GPR153: variants seen among roughly 807,000 people sequenced by gnomAD.
GPR153 encodes the protein G protein-coupled receptor 153.
Under a neutral mutation model 34.1 loss-of-function variants are expected in GPR153, and 27 were observed. The observed-to-expected ratio is 0.79, with a 90% CI of 0.58 to 1.09. The LOEUF (loss-of-function observed/expected upper bound fraction) is 1.09, where lower values mean the gene tolerates loss of function less well. GPR153 is among the 50% of genes least tolerant of loss of function. The pLI, the probability that GPR153 is intolerant of heterozygous loss-of-function variation, is 0.00. For synonymous variants in GPR153, 408 were observed against 405.4 expected, an observed-to-expected ratio of 1.01 and a Z score of -0.08; for missense variants, 848 against 860.2, an observed-to-expected ratio of 0.99 and a Z score of 0.18.
At position 6,249,773 on chromosome 1, in the gene GPR153, G is replaced by A; in HGVS notation, c.1395C>T (p.Pro465=). ...CCCGCGGGCCGCTATCCAGGGCCGA[G>A]GGCCGCAGCGACAGCAGGCTCTCGG... ...RSAESLLSLR[P]SALDSGPRGA... is the part of the protein sequence containing the mutation. The change falls in exon 6 of 6, where the codon CCC becomes CCT. Residue 465 remains proline (P), a synonymous_variant. Coordinates refer to ENST00000377893, the MANE Select transcript of GPR153 (RefSeq NM_207370.4). The surrounding 1 kb of genome is among the most constrained non-coding windows in gnomAD (Gnocchi z 4.3). 1 of 1,150,326 alleles carries A rather than the reference G, an allele frequency of 8.7e-7. No individual in the cohort carries two copies. The allele number at this position is 1,150,326 out of a possible 1,614,324, so 71.3% of individuals were successfully genotyped here. A position where few individuals can be genotyped will look rare whatever the true frequency, so the allele number is the denominator to read the frequency against.
At position 6,251,208 on chromosome 1, in the gene GPR153, C is replaced by G. The variant is rs1326931384; in HGVS notation, c.979+130G>C. On this transcript the variant is annotated intron_variant, in intron 4 of 5. Coordinates refer to ENST00000377893, the MANE Select transcript of GPR153 (RefSeq NM_207370.4). This position sits in a 1 kb window ranked among gnomAD's most constrained non-coding sequence, Gnocchi z 4.9. ...GACATTCAAGTACATTTGGGGGTGA[C>G]ACGGGGTGTCTGGTGGTTGAGAATG... is the stretch of plus-strand genomic sequence containing the variant. 13 of 738,412 alleles carry G rather than the reference C, an allele frequency of 1.8e-5. No individual in the cohort carries two copies. In the Admixed American group the frequency reaches 3.0e-4, roughly 17 times the overall value. 45.7% of individuals were successfully genotyped at this position (738,412 alleles called of 1,614,324 possible).
At chr1:6,257,356 C>T (rs1638588732) in intron 1 of GPR153, among the ~76,000 whole-genome samples, 1 of 152,240 alleles carries the variant, frequency 6.6e-6, no homozygotes, top group Admixed American at 6.5e-5. Context: ...GAGATGGTCA[C>T]CACCTTCCTG....
Position 6,254,939 on chromosome 1 carries a change from T to C in GPR153, c.-34A>G, listed in dbSNP as rs759429320. On this transcript the variant is annotated 5_prime_UTR_variant, in exon 2 of 6. An upstream start codon of the reference 5' UTR is lost. Coordinates refer to ENST00000377893, the MANE Select transcript of GPR153 (RefSeq NM_207370.4). ...CCGGAGCTGGCAGGCGGCTGTGGCATCCTCCTTGGAGCCAGGTCTCAGGGA... is the reference window on the plus strand; with the variant it reads ...CCGGAGCTGGCAGGCGGCTGTGGCACCCTCCTTGGAGCCAGGTCTCAGGGA... 12 of 1,479,420 alleles carry C rather than the reference T, an allele frequency of 8.1e-6. No individual in the cohort carries two copies. The African/African-American group carries it at 1.7e-4, about 21-fold the overall frequency. The allele number at this position is 1,479,420 out of a possible 1,614,324, so 91.6% of individuals were successfully genotyped here. A position where few individuals can be genotyped will look rare whatever the true frequency, so the allele number is the denominator to read the frequency against.
Position 6,254,778 on chromosome 1 carries a change from T to TC in GPR153, c.127dup (p.Glu43GlyfsTer38). The TC allele has an allele frequency of 6.2e-7, 1 of 1,613,618 alleles. No individual in the cohort carries two copies. The highest frequency in any genetic ancestry group is 8.5e-7 in the Non-Finnish European group (1 of 1,179,934). On this transcript the variant is annotated frameshift_variant, in exon 2 of 6. Transcript: ENST00000377893. LOFTEE classifies it high-confidence loss of function. ...GGCCGCGAGTGTACACAGCAGGAAC[T>TC]CCAAGGGCTTCCACTTCTTCTGCTT...
intron 1 of GPR153, among the ~76,000 whole-genome samples, chr1:6,260,223 C>T (rs1237034914): frequency 1.3e-5 from 2 of 152,160 alleles, no homozygotes; most frequent in South Asian, 2.1e-4. Context: ...GCTTCCGCCC[C>T]CACGCCGGTC....
chr1:6,258,765 C>T (rs1303614719), intron 1 of GPR153, among the ~76,000 whole-genome samples: 1 of 152,220 alleles, frequency 6.6e-6, no homozygotes, highest in Non-Finnish European at 1.5e-5. Flanking sequence ...GAGGCCTTCC[C>T]TCAGATGCCC....
In GPR153 at chr1:6,250,592, G is replaced by A. The variant is rs200411382; in HGVS notation, c.1012C>T (p.Leu338=). ...TAGTCCAGGGAGCGCTCCAACACCA[G>A]GTCCGGGGAGATGCCACCTTCCAGG... is the stretch of plus-strand genomic sequence containing the variant. ...TSLEGGISPD[L]VLERSLDYGY... The change falls in exon 5 of 6, where the codon CTG becomes TTG. Residue 338 remains leucine (L), a synonymous_variant. Coordinates refer to ENST00000377893, the MANE Select transcript of GPR153 (RefSeq NM_207370.4). 1.0e-5 allele frequency: 15 copies of A among 1,475,508 alleles called. No individual in the cohort carries two copies. The East Asian group carries it at 3.5e-4, about 34-fold the overall frequency. The allele number at this position is 1,475,508 out of a possible 1,614,324, so 91.4% of individuals were successfully genotyped here. A position where few individuals can be genotyped will look rare whatever the true frequency, so the allele number is the denominator to read the frequency against.
chr1:6,257,859 TG>T (rs1638597296), intron 1 of GPR153, among the ~76,000 whole-genome samples: 1 of 152,230 alleles, frequency 6.6e-6, no homozygotes, highest in Non-Finnish European at 1.5e-5. Context: ...GCAGGCAGTG[TG>T]GGAGAAGCCC....
rs916341494 is a variant in GPR153, at chr1:6,249,874, C to A, written c.1294G>T (p.Gly432Trp). ...AGGCTGGCGCGGCGCCGCTCGGGCC[C>A]GGCAGGCAGCACCAGGTGCGCCAGG... ...AALAHLVLPA[G>W]PERRRASLLA... Residue 432 changes from glycine to tryptophan, a missense_variant, in exon 6 of 6, where the codon GGG (glycine) becomes TGG (tryptophan). Coordinates refer to ENST00000377893, the MANE Select transcript of GPR153 (RefSeq NM_207370.4). This position sits in a 1 kb window ranked among gnomAD's most constrained non-coding sequence, Gnocchi z 4.3. 1.6e-6 allele frequency: 2 copies of A among 1,285,298 alleles called. No homozygotes were observed. The highest frequency in any genetic ancestry group is 1.6e-5 in the African/African-American group (1 of 64,236). The allele number at this position is 1,285,298 out of a possible 1,614,324, so 79.6% of individuals were successfully genotyped here.
At position 6,250,474 on chromosome 1, in the gene GPR153, C is replaced by T; in HGVS notation, c.1130G>A (p.Arg377Gln). ...TTGCATCTTGTCCTCCTGCAAGGGCCGCAGTGGGTAGAGCTGGGGCAGGCC... is the reference window on the plus strand; with the variant it reads ...TTGCATCTTGTCCTCCTGCAAGGGCTGCAGTGGGTAGAGCTGGGGCAGGCC... The part of the protein sequence containing the change: ...EGGLPQLYPL[R>Q]PLQEDKMQYL... The change falls in exon 5 of 6, where the codon CGG becomes CAG. Residue 377 changes from arginine to glutamine, a missense_variant. Coordinates refer to ENST00000377893, the MANE Select transcript of GPR153 (RefSeq NM_207370.4). The T allele has an allele frequency of 1.2e-6, 2 of 1,609,042 alleles. No individual in the cohort carries two copies. The highest frequency in any genetic ancestry group is 1.7e-6 in the Non-Finnish European group (2 of 1,178,192).
chr1:6,251,465 C>T lies in GPR153; in HGVS notation c.852G>A (p.Trp284Ter). The change falls in exon 4 of 6, where the codon TGG becomes TGA. Residue 284 changes from tryptophan (W) to a stop codon, truncating the protein, a stop_gained. Coordinates refer to ENST00000377893, the MANE Select transcript of GPR153 (RefSeq NM_207370.4). LOFTEE classifies it high-confidence loss of function. This position sits in a 1 kb window ranked among gnomAD's most constrained non-coding sequence, Gnocchi z 4.9. ...SAPWMALCVL[W>*]CSVAQALLLP... The stretch of plus-strand genomic sequence containing the variant: ...GCAGCAGGGCCTGGGCCACGGAGCA[C>T]CACAGCACGCAGAGTGCCATCCAGG... 4.3e-6 allele frequency: 7 copies of T among 1,613,136 alleles called. No homozygotes were observed. Among genetic ancestry groups the T allele is most frequent in the Non-Finnish European group, 5.9e-6 (7 of 1,179,934 alleles).
rs771688682 is a variant in GPR153 at position 6,253,819 on chromosome 1, A to G, written c.685T>C (p.Ser229Pro). Residue 229 changes from serine (S) to proline (P), a missense_variant, in exon 3 of 6, where the codon TCC (serine) becomes CCC (proline). Ser to Pro is a moderately conservative substitution (Grantham distance 74). Coordinates refer to ENST00000377893, the MANE Select transcript of GPR153 (RefSeq NM_207370.4). Reference sequence around the variant, plus strand: ...TTGGCGGGCTCCGAGCCATCGATGGAGGAGCGCCGCTTGCCCTGCGCGTCC... The same window carrying G: ...TTGGCGGGCTCCGAGCCATCGATGGGGGAGCGCCGCTTGCCCTGCGCGTCC... ...VEDAQGKRRSSIDGSEPAKTS... is the reference protein window; with the variant it reads ...VEDAQGKRRSPIDGSEPAKTS... 1.9e-5 allele frequency: 30 copies of G among 1,590,028 alleles called. No individual in the cohort carries two copies. In the South Asian group the frequency reaches 3.3e-4, roughly 17 times the overall value.
At position 6,250,537 on chromosome 1, in the gene GPR153, T is replaced by C. The variant is rs751840814; in HGVS notation, c.1067A>G (p.Asp356Gly). ...YGYGGDFVAL[D>G]RMAKYEISAL... The stretch of plus-strand genomic sequence containing the variant: ...GGAGATCTCATACTTGGCCATCCTA[T>C]CTAGGGCCACAAAATCACCTCCATA... Residue 356 changes from aspartate (D) to glycine (G), a missense_variant, in exon 5 of 6, where the codon GAT (aspartate) becomes GGT (glycine). Coordinates refer to ENST00000377893, the MANE Select transcript of GPR153 (RefSeq NM_207370.4). The C allele has an allele frequency of 5.6e-6, 9 of 1,604,774 alleles. No individual in the cohort carries two copies. Among genetic ancestry groups the C allele is most frequent in the Non-Finnish European group, 2.6e-6 (3 of 1,176,106 alleles).
In GPR153 at chr1:6,253,913, C is replaced by T. The variant is rs1218269797; in HGVS notation, c.591G>A (p.Gln197=). The part of the protein sequence containing the change: ...GVICTAIALF[Q]TLAVQVGRQA... ...GGCGCCCCACCTGCACGGCCAGCGT[C>T]TGGAAGAGGGCGATGGCTGTGCAGA... Residue 197 remains glutamine, a synonymous_variant, in exon 3 of 6, where the codon CAG becomes CAA. Coordinates refer to ENST00000377893, the MANE Select transcript of GPR153 (RefSeq NM_207370.4). The T allele has an allele frequency of 6.2e-7, 1 of 1,610,380 alleles. No homozygotes were observed.
In GPR153 at chr1:6,251,578, A is replaced by T. The variant is rs1638451076; in HGVS notation, c.787-48T>A. The T allele has an allele frequency of 6.7e-7, 1 of 1,503,502 alleles. No homozygotes were observed. Among genetic ancestry groups the T allele is most frequent in the South Asian group, 1.3e-5 (1 of 78,256 alleles). 93.1% of individuals were successfully genotyped at this position (1,503,502 alleles called of 1,614,324 possible). A position where few individuals can be genotyped will look rare whatever the true frequency, so the allele number is the denominator to read the frequency against. On this transcript the variant is annotated intron_variant, in intron 3 of 5. Coordinates refer to ENST00000377893, the MANE Select transcript of GPR153 (RefSeq NM_207370.4). This position sits in a 1 kb window ranked among gnomAD's most constrained non-coding sequence, Gnocchi z 4.9. The stretch of plus-strand genomic sequence containing the variant: ...GGCACCTGCAGGACCCCCCACCATC[A>T]CACAAGCTCCCCCTGAGTCTCGGTC...
Position 6,250,535 on chromosome 1 carries a change from T to A in GPR153, c.1069A>T (p.Arg357Trp). The A allele has an allele frequency of 6.2e-7, 1 of 1,606,148 alleles. No individual in the cohort carries two copies. ...GCGGAGATCTCATACTTGGCCATCC[T>A]ATCTAGGGCCACAAAATCACCTCCA... Reference protein sequence around the residue: ...GYGGDFVALDRMAKYEISALE... With the variant: ...GYGGDFVALDWMAKYEISALE... Residue 357 changes from arginine to tryptophan, a missense_variant, in exon 5 of 6, where the codon AGG (arginine) becomes TGG (tryptophan). Arg to Trp is a moderately radical substitution (Grantham distance 101). Transcript: ENST00000377893.
rs373810257 is a variant in GPR153, at chr1:6,254,693, C to T, written c.213G>A (p.Arg71=). The change falls in exon 2 of 6, where the codon CGG becomes CGA. Residue 71 remains arginine (R), a synonymous_variant. Coordinates refer to ENST00000377893, the MANE Select transcript of GPR153 (RefSeq NM_207370.4). ...IATYSVVQLR[R]QRPDFEWNEG... ...CATTCCACTCGAAGTCGGGGCGCTGCCGCCGCAGCTGCACCACGGAGTAGG... is the reference window on the plus strand; with the variant it reads ...CATTCCACTCGAAGTCGGGGCGCTGTCGCCGCAGCTGCACCACGGAGTAGG... The T allele has an allele frequency of 6.2e-7, 1 of 1,613,878 alleles. No homozygotes were observed. Among genetic ancestry groups the T allele is most frequent in the Admixed American group, 1.7e-5 (1 of 60,014 alleles).
In GPR153 at chr1:6,250,440, C is replaced by T. The variant is rs1186759363; in HGVS notation, c.1164G>A (p.Gln388=). ...PLQEDKMQYL[Q]VPPTRRFSHD... ...GCCTCTCCCCCAGCCCTGCGCTCAC[C>T]TGCAGGTATTGCATCTTGTCCTCCT... The change falls in exon 5 of 6, where the codon CAG becomes CAA. Residue 388 remains glutamine (Q), a splice_region_variant and synonymous_variant. Transcript: ENST00000377893. The T allele has an allele frequency of 6.3e-7, 1 of 1,591,544 alleles. No homozygotes were observed. The highest frequency in any genetic ancestry group is 1.3e-5 in the African/African-American group (1 of 74,604).
At position 6,248,869 on chromosome 1, in the gene GPR153, C is replaced by A. The variant is rs12568183; in HGVS notation, c.*469G>T. 994 of 153,922 alleles carry A rather than the reference C, an allele frequency of 6.5e-3. 79 individuals are homozygous for A. The East Asian group carries it at 0.17, about 27-fold the overall frequency. 9.5% of individuals were successfully genotyped at this position (153,922 alleles called of 1,614,324 possible). ...TTAGAGACCCTCTGTACCCTCCCCC[C>A]CCCCGAAGGGTGTGGCGGTTATGGT... On this transcript the variant is annotated 3_prime_UTR_variant, in exon 6 of 6. Transcript: ENST00000377893.
Sources: allele counts gnomAD v4.1 joint callset (sites outside exome capture counted in the v4.1 genomes callset), GRCh38; gene constraint gnomAD v4.1.1; non-coding constraint Gnocchi (gnomAD v3.1); transcripts MANE v1.5; gene names NCBI Gene and HGNC (gene_info 2026-07-23, HGNC 2026-07-21).